Variants in STAM2 observed in about 807,000 individuals in gnomAD.
The protein encoded by STAM2 is signal transducing adaptor molecule 2.
In STAM2, 51 loss-of-function variants were observed where a neutral mutation model predicts 65.6. That is an observed-to-expected ratio of 0.78 (90% CI 0.62 to 0.98). The LOEUF is 0.98. Ranked by LOEUF, STAM2 falls within the 50% of genes least tolerant of loss-of-function variation. The probability of loss-of-function intolerance (pLI) is 0.00; values close to 1 mark genes in which losing one functional copy is unlikely to be tolerated. For synonymous variants in STAM2, 198 were observed against 208.4 expected (o/e 0.95, Z 0.43); for missense variants, 584 against 617.8 (o/e 0.95, Z 0.58).
intron 1 of STAM2, among the ~76,000 whole-genome samples, chr2:152,165,265 A>G (rs969001027): frequency 5.9e-5 from 9 of 152,064 alleles, no homozygotes; most frequent in Non-Finnish European, 1.2e-4. Flanking sequence ...CTCTATTAAA[A>G]AAAAAAATAC....
At chr2:152,153,429 G>A (rs1163111711) in intron 1 of STAM2, among the ~76,000 whole-genome samples, 1 of 151,504 alleles carries the variant, frequency 6.6e-6, no homozygotes, top group Admixed American at 6.6e-5. Flanking sequence ...AACAGGCTTA[G>A]CAAACAACTA....
intron 11 of STAM2, 49 bp downstream of exon 11, chr2:152,132,065 A>G (rs1689073948): frequency 7.2e-7 from 1 of 1,393,616 alleles, no homozygotes. Flanking sequence ...CCAAAACACA[A>G]GTGAACCCCC....
intron 1 of STAM2, among the ~76,000 whole-genome samples, chr2:152,163,986 C>T (rs1024009381): frequency 5.9e-5 from 9 of 152,148 alleles, no homozygotes; most frequent in Admixed American, 5.9e-4. Context: ...TAATTCTGCC[C>T]TTTGCCTTGT....
At chr2:152,160,759 C>T (rs376495663) in intron 1 of STAM2, among the ~76,000 whole-genome samples, 1,705 of 149,988 alleles carry the variant, frequency 0.011, 50 homozygotes, top group African/African-American at 0.037. Context: ...TGCCTCTGCC[C>T]GGCCGCCCCT....
chr2:152,148,313 AGAG>A lies in STAM2; in HGVS notation c.126-16_126-14del, dbSNP rs1689374908. On this transcript the variant is annotated splice_polypyrimidine_tract_variant and intron_variant, in intron 2 of 13. Coordinates refer to ENST00000263904, the MANE Select transcript of STAM2 (RefSeq NM_005843.6). ...GCAATCTTTCGCTCTAAAAAAAAAA[AGAG>A]AGAGAGAGACAGTTAAGTATTTACT... 6.0e-6 allele frequency: 9 copies of A among 1,506,220 alleles called. No homozygotes were observed. Among genetic ancestry groups the A allele is most frequent in the Non-Finnish European group, 8.2e-6 (9 of 1,097,448 alleles). 93.3% of individuals were successfully genotyped at this position (1,506,220 alleles called of 1,614,324 possible).
At chr2:152,132,061 C>A in intron 11 of STAM2, 53 bp downstream of exon 11, 1 of 1,360,212 alleles carries the variant, frequency 7.4e-7, no homozygotes, top group Non-Finnish European at 1.0e-6. Context: ...TTTGCCAAAA[C>A]ACAAGTGAAC....
At chr2:152,165,944 TG>T (rs1307894578) in intron 1 of STAM2, among the ~76,000 whole-genome samples, 1 of 152,194 alleles carries the variant, frequency 6.6e-6, no homozygotes, top group Non-Finnish European at 1.5e-5. Flanking sequence ...GGCTTATGCC[TG>T]TAACTCCAGC....
At chr2:152,170,889 G>C (rs536593433) in intron 1 of STAM2, among the ~76,000 whole-genome samples, 1 of 152,068 alleles carries the variant, frequency 6.6e-6, no homozygotes, top group African/African-American at 2.4e-5. Flanking sequence ...CCAGCTACTC[G>C]GGAGGCTGAG....
At chr2:152,157,594 T>A (rs1689577284) in intron 1 of STAM2, among the ~76,000 whole-genome samples, 1 of 152,198 alleles carries the variant, frequency 6.6e-6, no homozygotes. Context: ...GCACCTCTGC[T>A]GGCACTTTGA....
At chr2:152,162,245 T>C (rs1326168351) in intron 1 of STAM2, among the ~76,000 whole-genome samples, 1 of 152,098 alleles carries the variant, frequency 6.6e-6, no homozygotes, top group Non-Finnish European at 1.5e-5. Flanking sequence ...TTACATAAGC[T>C]AAATCACTTG....
intron 2 of STAM2, among the ~76,000 whole-genome samples, chr2:152,149,680 T>G (rs1689406280): frequency 6.6e-6 from 1 of 152,008 alleles, no homozygotes; most frequent in Non-Finnish European, 1.5e-5. Flanking sequence ...GTATTTCTAG[T>G]AGAGATGGGG....
At chr2:152,138,303 T>G (rs1284646943) in intron 7 of STAM2, among the ~76,000 whole-genome samples, 1 of 152,142 alleles carries the variant, frequency 6.6e-6, no homozygotes, top group Non-Finnish European at 1.5e-5. Flanking sequence ...CATAAAGACC[T>G]TACATATCTT....
intron 7 of STAM2, among the ~76,000 whole-genome samples, chr2:152,141,397 G>A (rs1168696186): frequency 1.3e-5 from 2 of 151,318 alleles, no homozygotes; most frequent in Non-Finnish European, 2.9e-5. Context: ...AGCTGGGCAT[G>A]GTGGCGCATG....
intron 1 of STAM2, among the ~76,000 whole-genome samples, chr2:152,167,163 T>C (rs1237000348): frequency 1.3e-5 from 2 of 152,218 alleles, no homozygotes; most frequent in Non-Finnish European, 2.9e-5. Flanking sequence ...CAGTAAGAAC[T>C]GGAACTACTT....
intron 1 of STAM2, among the ~76,000 whole-genome samples, chr2:152,151,826 G>A (rs1267482233): frequency 1.3e-5 from 2 of 152,160 alleles, no homozygotes; most frequent in African/African-American, 4.8e-5. Context: ...GGTCATCCAC[G>A]TTGTAGCATG....
At chr2:152,138,924 T>C (rs576361348) in intron 7 of STAM2, among the ~76,000 whole-genome samples, 1 of 152,322 alleles carries the variant, frequency 6.6e-6, no homozygotes, top group East Asian at 1.9e-4. Context: ...ACTGTATGTG[T>C]GTACCCTTCC....
At position 152,150,220 on chromosome 2, in the gene STAM2, G is replaced by A. The variant is rs752237389; in HGVS notation, c.50C>T (p.Thr17Met). The part of the protein sequence containing the change: ...NPFEQDVEKA[T>M]NEYNTTEDWS... Reference sequence around the variant, plus strand: ...ATCTTCTGTAGTGTTGTACTCATTCGTGGCTTTTTCTATAAAATATATTGG... The same window carrying A: ...ATCTTCTGTAGTGTTGTACTCATTCATGGCTTTTTCTATAAAATATATTGG... Residue 17 changes from threonine (T) to methionine (M), a missense_variant, in exon 2 of 14, where the codon ACG (threonine) becomes ATG (methionine). Coordinates refer to ENST00000263904, the MANE Select transcript of STAM2 (RefSeq NM_005843.6). 3.4e-5 allele frequency: 55 copies of A among 1,611,532 alleles called. No homozygotes were observed. Among genetic ancestry groups the A allele is most frequent in the Non-Finnish European group, 4.6e-5 (54 of 1,178,276 alleles).
intron 1 of STAM2, among the ~76,000 whole-genome samples, chr2:152,163,245 G>A (rs1354049930): frequency 1.3e-5 from 2 of 152,176 alleles, no homozygotes; most frequent in African/African-American, 4.8e-5. Context: ...ATATTTATCA[G>A]CTCCCAAAAT....
In STAM2 at chr2:152,120,719, G is replaced by A; in HGVS notation, c.1433C>T (p.Thr478Ile). The change falls in exon 14 of 14, where the codon ACA (threonine) becomes ATA (isoleucine). Residue 478 changes from threonine to isoleucine, a missense_variant. Coordinates refer to ENST00000263904, the MANE Select transcript of STAM2 (RefSeq NM_005843.6). ...ATCCACAGACATCCCCATTTGCTGT[G>A]TGTAAGCAGTTGTACCAGTAGCTGA... ...LQSATGTTAY[T>I]QQMGMSVDMS... 1 of 1,614,162 alleles carries A rather than the reference G, an allele frequency of 6.2e-7. No individual in the cohort carries two copies. The highest frequency in any genetic ancestry group is 1.1e-5 in the South Asian group (1 of 91,082).
Sources: gnomAD v4.1 joint callset for allele counts (sites outside exome capture counted in the v4.1 genomes callset) on GRCh38, gnomAD v4.1.1 for gene constraint, MANE v1.5 for transcripts, NCBI Gene and HGNC (gene_info 2026-07-23, HGNC 2026-07-21) for gene names.